NCF2: variants seen among roughly 807,000 people sequenced by gnomAD.
NCF2 encodes the protein neutrophil cytosol factor 2.
NCF2 carries 45 observed loss-of-function variants against 70.9 expected under a neutral mutation model. That is an observed-to-expected ratio of 0.63 (90% CI 0.50 to 0.81). The LOEUF is 0.81. Ranked by LOEUF, NCF2 falls within the 40% of genes least tolerant of loss-of-function variation. The pLI is 0.00. For missense variants in NCF2, 522 were observed against 631.6 expected, an observed-to-expected ratio of 0.83 and a Z score of 1.86; for synonymous variants, 203 against 233.6, an observed-to-expected ratio of 0.87 and a Z score of 1.19.
chr1:183,556,280 T>G (rs2102867908), intron 14 of NCF2, 50 bp from the exon 15 acceptor site: 1 of 1,496,040 alleles, frequency 6.7e-7, no homozygotes, highest in Non-Finnish European at 9.3e-7. Context: ...TGTAGGAAGA[T>G]TACCCTGTCT....
At chr1:183,560,067 T>C (rs1558090367) in intron 14 of NCF2, 29 bp downstream of exon 14, 1 of 1,607,860 alleles carries the variant, frequency 6.2e-7, no homozygotes. Context: ...CATGTAAATT[T>C]GTTTCTATAG....
rs2102882201 is a variant in NCF2 at position 183,563,228 on chromosome 1, G to A, written c.1257C>T (p.Asn419=). ...TCTCACACCACAGAGTCAGGCAGTA[G>A]TTTTTCACCTGGCCCCAGGCATCCT... ...SMKDAWGQVK[N]YCLTLWCENT... The change falls in exon 13 of 15, where the codon AAC becomes AAT. Residue 419 remains asparagine, a synonymous_variant. Transcript: ENST00000367535. 2 of 1,614,182 alleles carry A rather than the reference G, an allele frequency of 1.2e-6. No homozygotes were observed. The highest frequency in any genetic ancestry group is 1.7e-6 in the Non-Finnish European group (2 of 1,180,026).
At chr1:183,576,720 G>A (rs1672815835) in intron 3 of NCF2, among the ~76,000 whole-genome samples, 1 of 152,178 alleles carries the variant, frequency 6.6e-6, no homozygotes, top group Non-Finnish European at 1.5e-5. Context: ...TTGGGATGGG[G>A]CCATATGTCC....
At position 183,556,317 on chromosome 1, in the gene NCF2, T is replaced by G. The variant is rs699244; in HGVS notation, c.1469-87A>C. 1,086,526 of 1,217,742 alleles carry G rather than the reference T, an allele frequency of 0.89. 485,614 individuals are homozygous for G. Among genetic ancestry groups the G allele is most frequent in the East Asian group, 1 (42,781 of 42,834 alleles). 75.4% of individuals were successfully genotyped at this position (1,217,742 alleles called of 1,614,324 possible). ...GCTATTCCACACAGAATTTGTTATC[T>G]GTCACCCTTCCCCACCCCTAATTGT... is the stretch of plus-strand genomic sequence containing the variant. On this transcript the variant is annotated intron_variant, in intron 14 of 14. Coordinates refer to ENST00000367535, the MANE Select transcript of NCF2 (RefSeq NM_000433.4).
At chr1:183,578,442 C>T (rs1187397877) in intron 2 of NCF2, among the ~76,000 whole-genome samples, 2 of 151,862 alleles carry the variant, frequency 1.3e-5, no homozygotes, top group African/African-American at 4.8e-5. Context: ...GCTGCAAGCT[C>T]CACCTCCCAG....
At chr1:183,586,835 C>T (rs186908575) in intron 2 of NCF2, 60 bp downstream of exon 2, 95 of 1,510,630 alleles carry the variant, frequency 6.3e-5, no homozygotes, top group Middle Eastern at 1.7e-4. Flanking sequence ...GCCCGCAACA[C>T]TGAGACCCCT....
chr1:183,565,778 T>C lies in NCF2; in HGVS notation c.926A>G (p.Glu309Gly). Residue 309 changes from glutamate (E) to glycine (G), a missense_variant and splice_region_variant, in exon 10 of 15, where the codon GAG (glutamate) becomes GGG (glycine). Glu to Gly is a moderately conservative substitution (Grantham distance 98). Coordinates refer to ENST00000367535, the MANE Select transcript of NCF2 (RefSeq NM_000433.4). ...LRIHPQQQPQ[E>G]ESSPQSDIPA... ...GATGTCGGACTGCGGAGAGCTTTCC[T>C]CCTGAAGGCAACAGGGAGCGACGGT... 6.2e-7 allele frequency: 1 copy of C among 1,613,670 alleles called. No individual in the cohort carries two copies. The highest frequency in any genetic ancestry group is 2.2e-5 in the East Asian group (1 of 44,880).
chr1:183,567,496 G>T, intron 7 of NCF2, 151 bp from the exon 8 acceptor site: 1 of 1,077,650 alleles, frequency 9.3e-7, no homozygotes, highest in Non-Finnish European at 1.4e-6. Context: ...GCCTGCCTGG[G>T]CTCCCAAGAG....
At chr1:183,568,691 C>T (rs11577618) in intron 7 of NCF2, among the ~76,000 whole-genome samples, 4,930 of 150,412 alleles carry the variant, frequency 0.033, 168 homozygotes, top group Admixed American at 0.1. Context: ...AGATTCCTGA[C>T]TCCAGAGAGC....
chr1:183,559,735 T>G (rs1395816844), intron 14 of NCF2, among the ~76,000 whole-genome samples: 1 of 152,148 alleles, frequency 6.6e-6, no homozygotes, highest in African/African-American at 2.4e-5. Flanking sequence ...GGTGGGCGCC[T>G]GTAATCCTAG....
At chr1:183,568,689 G>C (rs1672415142) in intron 7 of NCF2, among the ~76,000 whole-genome samples, 1 of 150,152 alleles carries the variant, frequency 6.7e-6, no homozygotes, top group South Asian at 2.1e-4. Context: ...CTAGATTCCT[G>C]ACTCCAGAGA....
chr1:183,571,129 T>C (rs1411876828), intron 5 of NCF2, among the ~76,000 whole-genome samples: 1 of 148,722 alleles, frequency 6.7e-6, no homozygotes, highest in Admixed American at 6.7e-5. Context: ...TTTTTTTTTT[T>C]TTTTTTGAGA....
At chr1:183,571,028 C>G (rs1222109785) in intron 5 of NCF2, among the ~76,000 whole-genome samples, 189 bp from the exon 6 acceptor site, 1 of 152,102 alleles carries the variant, frequency 6.6e-6, no homozygotes, top group Non-Finnish European at 1.5e-5. Flanking sequence ...GCATTCACCC[C>G]ACCCCTGCTA....
At chr1:183,557,485 G>T (rs1321207603) in intron 14 of NCF2, among the ~76,000 whole-genome samples, 1 of 152,140 alleles carries the variant, frequency 6.6e-6, no homozygotes, top group Non-Finnish European at 1.5e-5. Flanking sequence ...AGGAAGATTC[G>T]CAGGTGATTC....
chr1:183,564,062 G>C (rs377018812), intron 10 of NCF2, 32 bp from the exon 11 acceptor site: 2 of 1,598,916 alleles, frequency 1.3e-6, no homozygotes, highest in African/African-American at 2.7e-5. Flanking sequence ...TAAAACAAAA[G>C]AAGATGGTGA....
chr1:183,570,637 C>T (rs2102897992), intron 6 of NCF2, 143 bp downstream of exon 6: 1 of 806,068 alleles, frequency 1.2e-6, no homozygotes. Context: ...TGAGAGAGGG[C>T]AGGCAGATCC....
intron 4 of NCF2, 126 bp downstream of exon 4, chr1:183,574,361 G>T: frequency 2.9e-6 from 4 of 1,374,282 alleles, no homozygotes; most frequent in Non-Finnish European, 4.1e-6. Context: ...TATACCCTAA[G>T]ATCAGTGTTA....
chr1:183,558,453 A>G (rs1671892734), intron 14 of NCF2, among the ~76,000 whole-genome samples: 1 of 151,678 alleles, frequency 6.6e-6, no homozygotes, highest in Non-Finnish European at 1.5e-5. Context: ...TTTGTAGCAG[A>G]GACAGAGTTT....
At chr1:183,591,713 T>C (rs775195603), upstream of NCF2, among the ~76,000 whole-genome samples, 1 of 152,178 alleles carries the variant, frequency 6.6e-6, no homozygotes, top group Non-Finnish European at 1.5e-5. Flanking sequence ...CTCGAACTCC[T>C]GACCTCAGGT....
Sources: allele counts gnomAD v4.1 joint callset (sites outside exome capture counted in the v4.1 genomes callset), GRCh38; gene constraint gnomAD v4.1.1; transcripts MANE v1.5; gene names NCBI Gene and HGNC (gene_info 2026-07-23, HGNC 2026-07-21).